Variants in ANKRD30B observed in about 807,000 individuals in gnomAD.
ANKRD30B encodes the protein ankyrin repeat domain 30B, also known as ankyrin repeat domain-containing protein 30B.
In ANKRD30B, 144 loss-of-function variants were observed where a neutral mutation model predicts 202.2. The observed-to-expected ratio is 0.71, with a 90% CI of 0.62 to 0.82. ANKRD30B has a LOEUF of 0.82. Among genes scored for constraint, ANKRD30B ranks in the 40% least tolerant of loss-of-function variants. The pLI, the probability that ANKRD30B is intolerant of heterozygous loss-of-function variation, is 0.00. For missense variants in ANKRD30B, 1,487 were observed against 1,669.1 expected (o/e 0.89, Z 1.90); for synonymous variants, 508 against 561.3 (o/e 0.91, Z 1.34).
intron 16 of ANKRD30B, among the ~76,000 whole-genome samples, chr18:14,792,708 C>T (rs1461059548): frequency 7.0e-6 from 1 of 142,964 alleles, no homozygotes; most frequent in Non-Finnish European, 1.5e-5. Context: ...CATTAATTTT[C>T]TTTATTACTA....
chr18:14,827,958 T>G (rs1970732683), intron 32 of ANKRD30B, among the ~76,000 whole-genome samples: 1 of 152,222 alleles, frequency 6.6e-6, no homozygotes, highest in African/African-American at 2.4e-5. Context: ...TTTACTATAG[T>G]CTCAACGTAT....
At chr18:14,887,933 T>C in the ANKRD30B span, among the ~76,000 whole-genome samples, 1 of 151,986 alleles carries the variant, frequency 6.6e-6, no homozygotes, top group Non-Finnish European at 1.5e-5. Context: ...AATTTTACTT[T>C]GAGGAATTAT....
intron 6 of ANKRD30B, among the ~76,000 whole-genome samples, chr18:14,762,545 C>T (rs1228819146): frequency 1.3e-5 from 2 of 152,076 alleles, no homozygotes; most frequent in Non-Finnish European, 2.9e-5. Context: ...AAGTTGAAAC[C>T]AAATAAGATA....
Position 14,791,508 on chromosome 18 carries a change from A to T in ANKRD30B, c.1825+17A>T. ...AATTAGAAGGTAAGAACCATTTTTTAATTAAAAAGTCATTTGACCAAATAT... is the reference window on the plus strand; with the variant it reads ...AATTAGAAGGTAAGAACCATTTTTTTATTAAAAAGTCATTTGACCAAATAT... On this transcript the variant is annotated intron_variant, in intron 16 of 43. Coordinates refer to ENST00000690538, the MANE Select transcript of ANKRD30B (RefSeq NM_001367607.2). 1 of 1,581,968 alleles carries T rather than the reference A, an allele frequency of 6.3e-7. No individual in the cohort carries two copies. Among genetic ancestry groups the T allele is most frequent in the East Asian group, 2.2e-5 (1 of 44,462 alleles).
At chr18:14,770,251 C>T (rs561857018) in intron 8 of ANKRD30B, among the ~76,000 whole-genome samples, 17 of 151,968 alleles carry the variant, frequency 1.1e-4, no homozygotes, top group Non-Finnish European at 1.6e-4. Flanking sequence ...ATAAAAGGCA[C>T]GTGGAATTTT....
chr18:14,785,020 G>A (rs565523089), intron 14 of ANKRD30B, among the ~76,000 whole-genome samples: 41 of 152,228 alleles, frequency 2.7e-4, no homozygotes, highest in African/African-American at 9.9e-4. Context: ...GTGTTTGTGT[G>A]TGTGTGTGTC....
chr18:14,790,118 T>C (rs1170657029), intron 15 of ANKRD30B, among the ~76,000 whole-genome samples: 2 of 152,192 alleles, frequency 1.3e-5, no homozygotes, highest in Non-Finnish European at 1.5e-5. Context: ...CCCTTGTAAG[T>C]TGGATTCCTA....
chr18:14,932,337 G>C, the ANKRD30B span, among the ~76,000 whole-genome samples: 3 of 151,592 alleles, frequency 2.0e-5, no homozygotes, highest in Non-Finnish European at 2.9e-5. Context: ...CTATCTTTTT[G>C]TTGTTGTTGT....
chr18:14,851,098 C>T (rs1279027788), intron 41 of ANKRD30B, among the ~76,000 whole-genome samples: 1 of 151,836 alleles, frequency 6.6e-6, no homozygotes, highest in East Asian at 1.9e-4. Context: ...TTTTATCTGT[C>T]TAAATATATG....
chr18:14,909,130 G>T, the ANKRD30B span, among the ~76,000 whole-genome samples: 1 of 152,194 alleles, frequency 6.6e-6, no homozygotes, highest in African/African-American at 2.4e-5. Context: ...TGCATAGGAG[G>T]CAGTGGAGGG....
chr18:14,930,378 G>A, the ANKRD30B span, among the ~76,000 whole-genome samples: 1 of 152,112 alleles, frequency 6.6e-6, no homozygotes, highest in African/African-American at 2.4e-5. Context: ...GGGGTGCAGA[G>A]CCTGGGGCAG....
intron 33 of ANKRD30B, among the ~76,000 whole-genome samples, 181 bp from the exon 34 acceptor site, chr18:14,831,202 G>GAAAAAAAAAAAAAAAA: frequency 1.3e-5 from 1 of 76,930 alleles, no homozygotes; most frequent in Non-Finnish European, 2.7e-5. Flanking sequence ...AAAAAAAAAC[G>GAAAAAAAAAAAAAAAA]AAAACCAGAT....
intron 8 of ANKRD30B, among the ~76,000 whole-genome samples, chr18:14,770,681 T>G (rs1480056211): frequency 6.6e-6 from 1 of 151,924 alleles, no homozygotes; most frequent in Non-Finnish European, 1.5e-5. Context: ...AATTAGAGGA[T>G]CAAAAACACA....
chr18:14,833,869 A>C (rs1379680861), intron 34 of ANKRD30B, among the ~76,000 whole-genome samples: 2 of 152,172 alleles, frequency 1.3e-5, no homozygotes, highest in Admixed American at 6.5e-5. Flanking sequence ...CTTTTAAAAA[A>C]TGATTTACCC....
chr18:14,755,686 G>A (rs1344214181), intron 4 of ANKRD30B, among the ~76,000 whole-genome samples: 2 of 152,132 alleles, frequency 1.3e-5, no homozygotes, highest in African/African-American at 4.8e-5. Flanking sequence ...AGTTTGCTGA[G>A]AATGATAGTT....
At chr18:14,820,060 C>T (rs1410184282) in intron 30 of ANKRD30B, among the ~76,000 whole-genome samples, 2 of 152,086 alleles carry the variant, frequency 1.3e-5, no homozygotes, top group Non-Finnish European at 2.9e-5. Flanking sequence ...TGTAGTTCTC[C>T]TTGAAGAGGT....
the ANKRD30B span, among the ~76,000 whole-genome samples, chr18:14,897,424 A>G: frequency 6.6e-6 from 1 of 151,908 alleles, no homozygotes; most frequent in Admixed American, 6.5e-5. Flanking sequence ...CAGGTCATTC[A>G]CCTGCCTCAG....
downstream of ANKRD30B, among the ~76,000 whole-genome samples, chr18:14,855,337 T>C (rs1194957838): frequency 6.6e-6 from 1 of 152,242 alleles, no homozygotes; most frequent in African/African-American, 2.4e-5. Flanking sequence ...ATCTGATCTC[T>C]CTTCCTTTTC....
the ANKRD30B span, chr18:14,883,650 G>A: frequency 6.7e-6 from 1 of 149,642 alleles, no homozygotes; most frequent in Non-Finnish European, 1.5e-5. Context: ...TTATTCTCTT[G>A]AGGTAGGGCA....
Sources: allele counts gnomAD v4.1 joint callset (sites outside exome capture counted in the v4.1 genomes callset), GRCh38; gene constraint gnomAD v4.1.1; transcripts MANE v1.5; gene names NCBI Gene and HGNC (gene_info 2026-07-23, HGNC 2026-07-21).